Variants in ESRRG observed in about 807,000 individuals in gnomAD.
ESRRG encodes estrogen-related receptor gamma.
In ESRRG, 13 loss-of-function variants were observed where a neutral mutation model predicts 44.0. That is an observed-to-expected ratio of 0.30 (90% CI 0.19 to 0.47). The LOEUF is 0.47. Ranked by LOEUF, ESRRG falls within the 20% of genes least tolerant of loss-of-function variation. The pLI, the probability that ESRRG is intolerant of heterozygous loss-of-function variation, is 1.00. For missense variants in ESRRG, 395 were observed against 580.6 expected (o/e 0.68, Z 3.29); for synonymous variants, 215 against 214.6 (o/e 1.00, Z -0.02).
intron 5 of ESRRG, among the ~76,000 whole-genome samples, chr1:216,534,021 A>C (rs2050173500): frequency 6.6e-6 from 1 of 152,124 alleles, no homozygotes; most frequent in Non-Finnish European, 1.5e-5. Flanking sequence ...GGCCCAAACA[A>C]TATCCAGGCG....
intron 4 of ESRRG, 53 bp downstream of exon 4, chr1:216,567,935 C>T: frequency 1.7e-6 from 2 of 1,195,458 alleles, no homozygotes; most frequent in Non-Finnish European, 2.5e-6. Context: ...GTACATAGAG[C>T]CAACTGGGAG....
At chr1:217,023,342 C>T (rs951571227) in intron 1 of ESRRG, among the ~76,000 whole-genome samples, 1 of 152,088 alleles carries the variant, frequency 6.6e-6, no homozygotes, top group Non-Finnish European at 1.5e-5. Flanking sequence ...GGAGGGTTCC[C>T]AGAGACTCTC....
At chr1:216,708,188 C>T (rs1201452809) in intron 1 of ESRRG, among the ~76,000 whole-genome samples, 1 of 150,006 alleles carries the variant, frequency 6.7e-6, no homozygotes, top group African/African-American at 2.5e-5. Context: ...AAATTAGTAG[C>T]AAAGTCTCAG....
rs2040821648 is a variant in ESRRG at position 216,504,165 on chromosome 1, T to C, written c.*2774A>G. 2 of 152,546 alleles carry C rather than the reference T, an allele frequency of 1.3e-5. No individual in the cohort carries two copies. Among genetic ancestry groups the C allele is most frequent in the Admixed American group, 1.3e-4 (2 of 15,292 alleles). 9.4% of individuals were successfully genotyped at this position (152,546 alleles called of 1,614,324 possible). A position where few individuals can be genotyped will look rare whatever the true frequency, so the allele number is the denominator to read the frequency against. On this transcript the variant is annotated 3_prime_UTR_variant, in exon 7 of 7. Coordinates refer to ENST00000408911, the MANE Select transcript of ESRRG (RefSeq NM_001438.4). ...CTCTTACTTCTGAAGCCCAAGTACT[T>C]TAATGTGATACAGTGAAAACAATGT...
chr1:216,537,683 T>G (rs2051400384), intron 5 of ESRRG, among the ~76,000 whole-genome samples: 1 of 152,058 alleles, frequency 6.6e-6, no homozygotes, highest in South Asian at 2.1e-4. Flanking sequence ...TGATTTGTAT[T>G]TTGAAAGCTG....
At chr1:217,107,186 TGTTAC>T (rs1233070919) in intron 1 of ESRRG, among the ~76,000 whole-genome samples, 1 of 152,256 alleles carries the variant, frequency 6.6e-6, no homozygotes, top group African/African-American at 2.4e-5. Context: ...CAATCTGATA[TGTTAC>T]ATCAGAAAAA....
Position 216,559,707 on chromosome 1 carries a change from A to G in ESRRG, c.862+4512T>C, listed in dbSNP as rs528307763. ...ATCCTAATCACTTAATGGTGCTACT[A>G]TTTTAAGATGGGTATTTTATCCACC... On this transcript the variant is annotated intron_variant, in intron 5 of 6. Coordinates refer to ENST00000408911, the MANE Select transcript of ESRRG (RefSeq NM_001438.4). Among the ~76,000 whole-genome samples the G allele has an allele frequency of 4.6e-5, 7 of 152,334 alleles. No individual in the cohort carries two copies. In the South Asian group the frequency reaches 1.0e-3, roughly 23 times the overall value.
chr1:216,912,984 G>T (rs571257244), intron 2 of ESRRG, among the ~76,000 whole-genome samples: 1 of 151,612 alleles, frequency 6.6e-6, no homozygotes, highest in South Asian at 2.1e-4. Flanking sequence ...TTAGCTGGGC[G>T]TGGTGACATA....
intron 1 of ESRRG, among the ~76,000 whole-genome samples, chr1:217,103,629 G>C (rs1170791121): frequency 6.6e-6 from 1 of 151,346 alleles, no homozygotes; most frequent in Non-Finnish European, 1.5e-5. Context: ...CTGTATTCCA[G>C]CCTTGGTGAC....
At chr1:216,884,359 C>CAA (rs1470397737) in intron 2 of ESRRG, among the ~76,000 whole-genome samples, 4 of 152,228 alleles carry the variant, frequency 2.6e-5, no homozygotes, top group African/African-American at 9.6e-5. Context: ...AGAGAAAACA[C>CAA]ATTTCAATTC....
At chr1:217,079,783 G>A (rs899695623) in intron 1 of ESRRG, among the ~76,000 whole-genome samples, 2 of 152,174 alleles carry the variant, frequency 1.3e-5, no homozygotes, top group African/African-American at 4.8e-5. Context: ...TCCTCTCAGA[G>A]CCAGGCACAG....
intron 2 of ESRRG, among the ~76,000 whole-genome samples, chr1:216,836,390 T>C (rs190936747): frequency 6.6e-6 from 1 of 152,356 alleles, no homozygotes; most frequent in Non-Finnish European, 1.5e-5. Flanking sequence ...ATTAGGTTGC[T>C]GTCTCACCAG....
At chr1:216,557,757 T>C (rs886885973) in intron 5 of ESRRG, among the ~76,000 whole-genome samples, 1 of 152,220 alleles carries the variant, frequency 6.6e-6, no homozygotes, top group Non-Finnish European at 1.5e-5. Context: ...CACACATGTA[T>C]ATGTATTTAT....
rs150299844 is a variant in ESRRG, at chr1:216,828,429, T to C, written c.-14+111153A>G. ...AGATGGAAGGAGACCAGGTTTCATA[T>C]GTTACCACATCTGCCTGGTGGAGAT... On this transcript the variant is annotated intron_variant, in intron 2 of 7. Transcript: ENST00000359162. Among the ~76,000 whole-genome samples, 633 of 152,282 alleles carry C rather than the reference T, an allele frequency of 4.2e-3. 1 individual carries two copies. Among genetic ancestry groups the C allele is most frequent in the Admixed American group, 7.0e-3 (107 of 15,296 alleles).
At chr1:216,956,735 T>C (rs1233506740) in intron 1 of ESRRG, among the ~76,000 whole-genome samples, 1 of 152,156 alleles carries the variant, frequency 6.6e-6, no homozygotes, top group Non-Finnish European at 1.5e-5. Context: ...GGCAGTGCAG[T>C]TAGAGAGAAT....
At chr1:216,511,324 C>T (rs1023312967) in intron 6 of ESRRG, among the ~76,000 whole-genome samples, 2 of 151,964 alleles carry the variant, frequency 1.3e-5, no homozygotes, top group African/African-American at 2.4e-5. Context: ...AGTGGTTCTT[C>T]GGGTAGCAAT....
At chr1:216,734,289 A>T (rs1575904981) in intron 2 of ESRRG, among the ~76,000 whole-genome samples, 4 of 152,216 alleles carry the variant, frequency 2.6e-5, no homozygotes, top group Non-Finnish European at 1.5e-5. Context: ...ACACTCATTG[A>T]TATGGTTTGG....
chr1:217,034,002 A>T (rs1367342195), intron 1 of ESRRG, among the ~76,000 whole-genome samples: 3 of 152,200 alleles, frequency 2.0e-5, no homozygotes, highest in Non-Finnish European at 4.4e-5. Flanking sequence ...TTATCTGAAC[A>T]TCTAGAACTG....
chr1:216,920,898 G>A (rs144776758), intron 2 of ESRRG, among the ~76,000 whole-genome samples: 17 of 152,290 alleles, frequency 1.1e-4, no homozygotes, highest in Admixed American at 3.9e-4. Context: ...GTGTTGTAGA[G>A]GCAGCATTAT....
Sources: gnomAD v4.1 joint callset for allele counts (sites outside exome capture counted in the v4.1 genomes callset) on GRCh38, gnomAD v4.1.1 for gene constraint, MANE v1.5 for transcripts, NCBI Gene and HGNC (gene_info 2026-07-23, HGNC 2026-07-21) for gene names.